GATB: variants seen among roughly 807,000 people sequenced by gnomAD.
The protein encoded by GATB is glutamyl-tRNA amidotransferase subunit B.
In GATB, 39 loss-of-function variants were observed where a neutral mutation model predicts 62.3. The observed-to-expected ratio is 0.63, with a 90% CI of 0.48 to 0.82. The LOEUF is 0.82. Among genes scored for constraint, GATB ranks in the 40% least tolerant of loss-of-function variants. GATB has a pLI of 0.00. For synonymous variants in GATB, 276 were observed against 258.9 expected, an observed-to-expected ratio of 1.07 and a Z score of -0.63; for missense variants, 670 against 684.0, an observed-to-expected ratio of 0.98 and a Z score of 0.23.
chr4:151,752,731 T>A (rs182647740), intron 2 of GATB, among the ~76,000 whole-genome samples: 29 of 152,372 alleles, frequency 1.9e-4, no homozygotes, highest in Admixed American at 7.2e-4. Context: ...GTGCATTATC[T>A]ATAGCCTCCT....
intron 2 of GATB, among the ~76,000 whole-genome samples, chr4:151,752,649 G>A (rs533197815): frequency 2.0e-5 from 3 of 152,086 alleles, no homozygotes; most frequent in Non-Finnish European, 4.4e-5. Flanking sequence ...GTTTCAAAGA[G>A]GCAGCTACCT....
chr4:151,746,650 T>C (rs1450691425), intron 2 of GATB, among the ~76,000 whole-genome samples: 1 of 152,172 alleles, frequency 6.6e-6, no homozygotes, highest in Non-Finnish European at 1.5e-5. Context: ...GACCTTTTCA[T>C]CCTCAAGATT....
chr4:151,700,115 T>C (rs1202246782), intron 9 of GATB, among the ~76,000 whole-genome samples: 1 of 152,174 alleles, frequency 6.6e-6, no homozygotes, highest in East Asian at 1.9e-4. Context: ...CTAGGAAAAA[T>C]ACATGAATTG....
At chr4:151,695,105 CCTACAGTCT>C (rs1294784596) in intron 9 of GATB, among the ~76,000 whole-genome samples, 1 of 152,200 alleles carries the variant, frequency 6.6e-6, no homozygotes, top group Non-Finnish European at 1.5e-5. Context: ...AGTACATCTT[CCTACAGTCT>C]CACTGGGGCC....
intron 2 of GATB, among the ~76,000 whole-genome samples, chr4:151,740,788 T>C (rs1739469096): frequency 6.6e-6 from 1 of 152,192 alleles, no homozygotes; most frequent in African/African-American, 2.4e-5. Context: ...GAAAAATGAA[T>C]GGTACCCAGC....
intron 2 of GATB, chr4:151,721,831 T>C (rs1281046598): frequency 4.6e-6 from 1 of 218,966 alleles, no homozygotes; most frequent in Admixed American, 5.9e-5. Context: ...AGCCTCCCTG[T>C]GGGAGAAGAG....
intron 11 of GATB, 137 bp downstream of exon 11, chr4:151,679,676 C>CG: frequency 1.3e-6 from 1 of 763,234 alleles, no homozygotes; most frequent in Admixed American, 1.9e-5. Flanking sequence ...ATGTTTCTAC[C>CG]TTTCAGCATT....
chr4:151,696,430 T>C (rs11099824), intron 9 of GATB, among the ~76,000 whole-genome samples: 28,877 of 152,146 alleles, frequency 0.19, 4,003 homozygotes, highest in African/African-American at 0.4. Context: ...CACAAGTGAC[T>C]CCAAACATCA....
At chr4:151,690,615 T>A (rs1428675051) in intron 9 of GATB, among the ~76,000 whole-genome samples, 1 of 152,258 alleles carries the variant, frequency 6.6e-6, no homozygotes, top group Non-Finnish European at 1.5e-5. Flanking sequence ...GGAAAGGGTT[T>A]TCTAAATCCA....
chr4:151,716,970 C>T lies in GATB; in HGVS notation c.546G>A (p.Thr182=), dbSNP rs763356942. The stretch of plus-strand genomic sequence containing the variant: ...CCAACTGGATCTGCTTGATCCTCAC[C>T]GTCTTGGGGATCACCTGACTCTGCT... The part of the protein sequence containing the change: ...GKKQSQVIPK[T]VRIKQIQLEQ... Residue 182 remains threonine, a synonymous_variant, in exon 4 of 13, where the codon ACG becomes ACA. Transcript: ENST00000263985. 13 of 1,613,866 alleles carry T rather than the reference C, an allele frequency of 8.1e-6. No homozygotes were observed. The highest frequency in any genetic ancestry group is 1.6e-4 in the Middle Eastern group (1 of 6,084).
At position 151,731,957 on chromosome 4, in the gene GATB, A is replaced by T. The variant is rs2126986740; in HGVS notation, c.328-12419T>A. ...GGGCCAGCCGCCCCGTCCGGGAGGG[A>T]AGTGGGGGGTCAGCCCCTGCCCGGC... On this transcript the variant is annotated intron_variant, in intron 2 of 12. Transcript: ENST00000263985. 2.2e-5 allele frequency among the ~76,000 whole-genome samples: 2 copies of T among 91,230 alleles called. 1 individual carries two copies. The highest frequency in any genetic ancestry group is 1.1e-4 in the African/African-American group (2 of 18,046). 59.9% of individuals were successfully genotyped at this position (91,230 alleles called of 152,430 possible). A position where few individuals can be genotyped will look rare whatever the true frequency, so the allele number is the denominator to read the frequency against.
chr4:151,727,985 C>T (rs1739169336), intron 2 of GATB, among the ~76,000 whole-genome samples: 1 of 152,198 alleles, frequency 6.6e-6, no homozygotes, highest in Non-Finnish European at 1.5e-5. Context: ...ACAACAGATG[C>T]TGAAATTATG....
intron 11 of GATB, chr4:151,675,919 G>A (rs1240914451): frequency 6.6e-6 from 1 of 152,176 alleles, no homozygotes; most frequent in Admixed American, 6.5e-5. Context: ...ACTGTTTCTA[G>A]CTAAAGCTAT....
In GATB at chr4:151,671,237, C is replaced by G; in HGVS notation, c.1611G>C (p.Ala537=). The G allele has an allele frequency of 6.2e-7, 1 of 1,614,096 alleles. No homozygotes were observed. The highest frequency in any genetic ancestry group is 1.1e-5 in the South Asian group (1 of 91,076). The change falls in exon 13 of 13, where the codon GCG becomes GCC. Residue 537 remains alanine, a synonymous_variant. Transcript: ENST00000263985. ...TGACTGGATCTGCTCGGCTTTGAGT[C>G]GCTTTCCGGACCAACCCAATCAGTT... ...INKLIGLVRK[A]TQSRADPVMI... is the part of the protein sequence containing the mutation.
chr4:151,671,826 G>C (rs1737873331), intron 12 of GATB, among the ~76,000 whole-genome samples: 1 of 152,154 alleles, frequency 6.6e-6, no homozygotes, highest in Non-Finnish European at 1.5e-5. Context: ...GTGTGGGCAG[G>C]GGGAGTGAGG....
chr4:151,703,547 C>T (rs1738648850), intron 8 of GATB: 1 of 441,390 alleles, frequency 2.3e-6, no homozygotes, highest in African/African-American at 2.0e-5. Context: ...AGCCTAGGCC[C>T]CAACCTCTAC....
At chr4:151,682,176 G>A (rs191232563) in intron 10 of GATB, among the ~76,000 whole-genome samples, 30 of 152,218 alleles carry the variant, frequency 2.0e-4, no homozygotes, top group Non-Finnish European at 3.8e-4. Context: ...ATCACACTTG[G>A]GATTTCTCCA....
intron 10 of GATB, among the ~76,000 whole-genome samples, chr4:151,680,750 G>C (rs751014): frequency 6.6e-6 from 1 of 152,056 alleles, no homozygotes; most frequent in Admixed American, 6.5e-5. Context: ...GGATATTTTT[G>C]GATTTTGGAA....
At chr4:151,727,970 A>G (rs535424367) in intron 2 of GATB, among the ~76,000 whole-genome samples, 2 of 152,230 alleles carry the variant, frequency 1.3e-5, no homozygotes, top group Non-Finnish European at 2.9e-5. Context: ...AATCCAAAAT[A>G]AGGCACAACA....
Sources: allele counts gnomAD v4.1 joint callset (sites outside exome capture counted in the v4.1 genomes callset), GRCh38; gene constraint gnomAD v4.1.1; transcripts MANE v1.5; gene names NCBI Gene and HGNC (gene_info 2026-07-23, HGNC 2026-07-21).